Variants in PKN2 observed in about 807,000 individuals in gnomAD.
PKN2 encodes protein kinase N2.
A neutral mutation model predicts 119.1 loss-of-function variants in PKN2; 38 were observed. That is an observed-to-expected ratio of 0.32 (90% CI 0.25 to 0.42). The LOEUF (loss-of-function observed/expected upper bound fraction) is 0.42. Ranked by LOEUF, PKN2 falls within the 10% of genes least tolerant of loss-of-function variation. PKN2 has a pLI of 1.00. For synonymous variants in PKN2, 390 were observed against 384.9 expected, an observed-to-expected ratio of 1.01 and a Z score of -0.15; for missense variants, 850 against 1,165.1, an observed-to-expected ratio of 0.73 and a Z score of 3.94.
At chr1:88,708,393 G>A (rs1667087972) in intron 1 of PKN2, among the ~76,000 whole-genome samples, 1 of 151,912 alleles carries the variant, frequency 6.6e-6, no homozygotes, top group African/African-American at 2.4e-5. Context: ...GTGACTATTT[G>A]TGTTTCTTCG....
intron 2 of PKN2, among the ~76,000 whole-genome samples, chr1:88,741,503 C>G (rs775023242): frequency 3.3e-5 from 5 of 151,816 alleles, no homozygotes; most frequent in African/African-American, 4.8e-5. Context: ...ATTTAATAAC[C>G]CTAATGTATT....
intron 2 of PKN2, among the ~76,000 whole-genome samples, chr1:88,746,723 G>A (rs544433611): frequency 3.9e-5 from 6 of 152,108 alleles, no homozygotes; most frequent in African/African-American, 1.4e-4. Context: ...CTAAAAATAG[G>A]ATTATTTTAC....
intron 6 of PKN2, among the ~76,000 whole-genome samples, chr1:88,774,855 C>T (rs1455360341): frequency 2.0e-5 from 3 of 152,050 alleles, no homozygotes; most frequent in East Asian, 1.9e-4. Context: ...AGTACGGGAA[C>T]GTGCCACCAC....
chr1:88,711,926 T>C (rs1488285742), intron 1 of PKN2, among the ~76,000 whole-genome samples: 1 of 152,150 alleles, frequency 6.6e-6, no homozygotes, highest in African/African-American at 2.4e-5. Context: ...TGTGAGTGTA[T>C]GTATACATGT....
chr1:88,760,228 C>G lies in PKN2; in HGVS notation c.356C>G (p.Pro119Arg). 6.5e-7 allele frequency: 1 copy of G among 1,535,736 alleles called. No homozygotes were observed. Among genetic ancestry groups the G allele is most frequent in the African/African-American group, 1.4e-5 (1 of 72,068 alleles). Reference protein sequence around the residue: ...VSDPEDITDCPRTPDTPNNDP... With the variant: ...VSDPEDITDCRRTPDTPNNDP... ...AACAATATTTTATTTACAGATTGCC[C>G]AAGGACTCCAGATACTCCAAATAAT... The change falls in exon 3 of 22, where the codon CCA (proline) becomes CGA (arginine). Residue 119 changes from proline (P) to arginine (R), a missense_variant. Pro to Arg is a moderately radical substitution (Grantham distance 103, BLOSUM62 -2). This residue lies in a region of PKN2 where 350 missense variants were observed against 511.1 expected (regional missense o/e 0.68). Transcript: ENST00000370521.
intron 16 of PKN2, among the ~76,000 whole-genome samples, chr1:88,818,471 A>G (rs1672105802): frequency 6.6e-6 from 1 of 151,960 alleles, no homozygotes; most frequent in South Asian, 2.1e-4. Context: ...AACATGGTGA[A>G]ACCCCGTCTC....
At chr1:88,824,474 A>G in intron 18 of PKN2, 88 bp downstream of exon 18, 1 of 761,950 alleles carries the variant, frequency 1.3e-6, no homozygotes, top group Non-Finnish European at 2.3e-6. Context: ...TATGGAAAAC[A>G]AACTGTACTT....
chr1:88,808,623 AGGATTTGGTG>A (rs1188862886), intron 15 of PKN2, among the ~76,000 whole-genome samples: 1 of 152,186 alleles, frequency 6.6e-6, no homozygotes. Context: ...TTAAAATGCA[AGGATTTGGTG>A]GGGGTTAAGA....
At chr1:88,709,977 G>T (rs1324916220) in intron 1 of PKN2, among the ~76,000 whole-genome samples, 1 of 152,182 alleles carries the variant, frequency 6.6e-6, no homozygotes, top group Non-Finnish European at 1.5e-5. Context: ...AGGATTGGAG[G>T]TGGGTGATTG....
intron 3 of PKN2, among the ~76,000 whole-genome samples, chr1:88,768,642 G>T (rs1044149734): frequency 1.3e-5 from 2 of 152,140 alleles, no homozygotes; most frequent in Admixed American, 6.5e-5. Context: ...TTACCAACAA[G>T]ATTCTGAGGC....
intron 6 of PKN2, among the ~76,000 whole-genome samples, chr1:88,776,203 C>T (rs896685684): frequency 7.4e-6 from 1 of 136,030 alleles, no homozygotes; most frequent in East Asian, 2.2e-4. Flanking sequence ...CCCTCCCTCC[C>T]CCTCCCCCTA....
At chr1:88,810,434 T>C (rs1296908198) in intron 15 of PKN2, among the ~76,000 whole-genome samples, 1 of 151,840 alleles carries the variant, frequency 6.6e-6, no homozygotes, top group Non-Finnish European at 1.5e-5. Flanking sequence ...GACTAGCATA[T>C]TTTTAAAAGT....
chr1:88,732,584 A>G (rs1668182644), intron 1 of PKN2, among the ~76,000 whole-genome samples: 1 of 152,142 alleles, frequency 6.6e-6, no homozygotes, highest in South Asian at 2.1e-4. Flanking sequence ...TAAGCTTTAT[A>G]AGGGAGTCTG....
intron 2 of PKN2, among the ~76,000 whole-genome samples, chr1:88,745,693 C>G (rs1035130816): frequency 6.6e-6 from 1 of 151,992 alleles, no homozygotes; most frequent in Non-Finnish European, 1.5e-5. Flanking sequence ...CAAGGTAATT[C>G]GTATCAAAAT....
At chr1:88,691,146 C>T (rs1252728995) in intron 1 of PKN2, among the ~76,000 whole-genome samples, 9 of 152,116 alleles carry the variant, frequency 5.9e-5, no homozygotes, top group Non-Finnish European at 1.0e-4. Flanking sequence ...TCACTGCAGC[C>T]TCTGCCTCCT....
chr1:88,775,690 A>G (rs1481273130), intron 6 of PKN2, among the ~76,000 whole-genome samples: 2 of 152,162 alleles, frequency 1.3e-5, no homozygotes, highest in Non-Finnish European at 2.9e-5. Flanking sequence ...TGCCCTTGTT[A>G]TATTGTCACA....
chr1:88,694,903 C>G (rs560243114), intron 1 of PKN2, among the ~76,000 whole-genome samples: 1 of 152,138 alleles, frequency 6.6e-6, no homozygotes, highest in Admixed American at 6.5e-5. Context: ...TTTTGAAGGC[C>G]AAGGCGGGCA....
At chr1:88,737,932 G>A (rs1668421802) in intron 1 of PKN2, among the ~76,000 whole-genome samples, 1 of 152,046 alleles carries the variant, frequency 6.6e-6, no homozygotes, top group Non-Finnish European at 1.5e-5. Flanking sequence ...ACCAGATATG[G>A]TCATCTCTGA....
At chr1:88,769,976 G>T (rs1669816176) in intron 3 of PKN2, among the ~76,000 whole-genome samples, 1 of 152,136 alleles carries the variant, frequency 6.6e-6, no homozygotes, top group Admixed American at 6.5e-5. Flanking sequence ...ATGAAAAGGG[G>T]TAACTGTAGA....
Sources: allele counts gnomAD v4.1 joint callset (sites outside exome capture counted in the v4.1 genomes callset), GRCh38; gene constraint gnomAD v4.1.1; regional missense constraint gnomAD v4.1.1; transcripts MANE v1.5; gene names NCBI Gene and HGNC (gene_info 2026-07-23, HGNC 2026-07-21).